The following CADPS variants were observed in gnomAD, a reference collection of about 807,000 sequenced individuals.
CADPS encodes the protein calcium dependent secretion activator.
A neutral mutation model predicts 167.3 loss-of-function variants in CADPS; 57 were observed. The observed-to-expected ratio is 0.34, with a 90% confidence interval of 0.28 to 0.42. The LOEUF (loss-of-function observed/expected upper bound fraction) is 0.42, where lower values mean the gene tolerates loss of function less well. Among genes scored for constraint, CADPS ranks in the 20% least tolerant of loss-of-function variants. CADPS has a pLI of 1.00. For synonymous variants in CADPS, 676 were observed against 635.3 expected, an observed-to-expected ratio of 1.06 and a Z score of -0.96; for missense variants, 1,414 against 1,738.1, an observed-to-expected ratio of 0.81 and a Z score of 3.32.
At chr3:62,857,126 T>G (rs2079864733) in intron 1 of CADPS, among the ~76,000 whole-genome samples, 1 of 151,922 alleles carries the variant, frequency 6.6e-6, no homozygotes, top group Non-Finnish European at 1.5e-5. Context: ...TAGAAATAGC[T>G]CTTAAAAACA....
intron 1 of CADPS, among the ~76,000 whole-genome samples, chr3:62,813,753 G>A (rs1453562622): frequency 6.6e-6 from 1 of 152,004 alleles, no homozygotes; most frequent in East Asian, 1.9e-4. Context: ...TTAAGCAATT[G>A]AGCAAGCAAA....
intron 1 of CADPS, among the ~76,000 whole-genome samples, chr3:62,778,927 G>T (rs575747455): frequency 6.7e-6 from 1 of 150,222 alleles, no homozygotes; most frequent in African/African-American, 2.4e-5. Context: ...TTTTAAGATG[G>T]AGTCTTGCTC....
At chr3:62,826,506 A>G (rs990313529) in intron 1 of CADPS, among the ~76,000 whole-genome samples, 6 of 152,160 alleles carry the variant, frequency 3.9e-5, no homozygotes, top group African/African-American at 1.4e-4. Context: ...ATTTCAAAAT[A>G]AAAGGTTTTT....
At chr3:62,460,820 A>G (rs901137285) in intron 26 of CADPS, among the ~76,000 whole-genome samples, 11 of 152,208 alleles carry the variant, frequency 7.2e-5, no homozygotes, top group African/African-American at 2.7e-4. Context: ...AAGACAAAGA[A>G]GACTGGACAT....
chr3:62,468,447 T>C (rs2060196213), intron 24 of CADPS, among the ~76,000 whole-genome samples: 1 of 152,134 alleles, frequency 6.6e-6, no homozygotes, highest in South Asian at 2.1e-4. Context: ...TGGGCTGAAG[T>C]GGCAAATAGA....
At chr3:62,545,643 T>C (rs2076343424) in intron 11 of CADPS, among the ~76,000 whole-genome samples, 1 of 152,196 alleles carries the variant, frequency 6.6e-6, no homozygotes, top group East Asian at 1.9e-4. Context: ...CAGTTCCACA[T>C]AAATACCCCA....
intron 17 of CADPS, among the ~76,000 whole-genome samples, chr3:62,506,070 C>T (rs1466365555): frequency 2.0e-5 from 3 of 152,094 alleles, no homozygotes; most frequent in Admixed American, 6.5e-5. Context: ...CAGAGAATAA[C>T]ATCAGGTTTC....
At chr3:62,813,511 A>G (rs2094479731) in intron 1 of CADPS, among the ~76,000 whole-genome samples, 1 of 152,102 alleles carries the variant, frequency 6.6e-6, no homozygotes, top group Non-Finnish European at 1.5e-5. Flanking sequence ...TATTAAAATC[A>G]TAGAAGAAAA....
chr3:62,403,211 A>T, intron 28 of CADPS, 26 bp from the exon 29 acceptor site: 1 of 1,487,386 alleles, frequency 6.7e-7, no homozygotes, highest in Non-Finnish European at 9.4e-7. Flanking sequence ...AAAGTTCTCC[A>T]GCCAACACAT....
intron 28 of CADPS, among the ~76,000 whole-genome samples, chr3:62,406,322 T>C (rs531599848): frequency 3.9e-5 from 6 of 152,354 alleles, no homozygotes; most frequent in South Asian, 2.1e-4. Flanking sequence ...TCTGGGTTGT[T>C]CTGCTCTTCC....
chr3:62,781,357 A>C (rs2091565164), intron 1 of CADPS, among the ~76,000 whole-genome samples: 1 of 152,168 alleles, frequency 6.6e-6, no homozygotes, highest in Admixed American at 6.5e-5. Context: ...TACTCCATGG[A>C]TACACTCCCA....
intron 1 of CADPS, among the ~76,000 whole-genome samples, chr3:62,820,795 G>GTTTTTTTTT (rs5849504): frequency 1.4e-5 from 2 of 138,006 alleles, no homozygotes; most frequent in African/African-American, 2.8e-5. Context: ...CTTTTTTTTG[G>GTTTTTTTTT]TTTTTTTTTT....
intron 1 of CADPS, among the ~76,000 whole-genome samples, chr3:62,824,968 C>A (rs1014100328): frequency 6.6e-6 from 1 of 152,130 alleles, no homozygotes; most frequent in Non-Finnish European, 1.5e-5. Context: ...CCAACACACA[C>A]ATACACAGGC....
chr3:62,659,054 G>A (rs1256903625), intron 4 of CADPS, among the ~76,000 whole-genome samples: 3 of 152,072 alleles, frequency 2.0e-5, no homozygotes, highest in African/African-American at 7.2e-5. Flanking sequence ...TGCTTGAGTT[G>A]GTGCCTCTTA....
At chr3:62,635,050 C>A (rs1465141424) in intron 6 of CADPS, among the ~76,000 whole-genome samples, 1 of 152,212 alleles carries the variant, frequency 6.6e-6, no homozygotes, top group Middle Eastern at 3.2e-3. Context: ...AAATTACACA[C>A]TAAGTTCTTC....
At chr3:62,431,588 C>T (rs2053962982) in intron 28 of CADPS, among the ~76,000 whole-genome samples, 1 of 150,886 alleles carries the variant, frequency 6.6e-6, no homozygotes, top group African/African-American at 2.4e-5. Flanking sequence ...ATAAACTCCT[C>T]CAGTCTGCAG....
intron 1 of CADPS, among the ~76,000 whole-genome samples, chr3:62,852,062 C>G (rs1366078912): frequency 6.8e-6 from 1 of 147,062 alleles, no homozygotes; most frequent in Non-Finnish European, 1.5e-5. Context: ...TCCAGTTGAT[C>G]GCATCGGCTC....
chr3:62,777,056 A>C (rs1387946566), intron 1 of CADPS, among the ~76,000 whole-genome samples: 1 of 152,202 alleles, frequency 6.6e-6, no homozygotes, highest in African/African-American at 2.4e-5. Context: ...CAAAGTCACA[A>C]CTATTAAAAA....
chr3:62,447,268 T>A (rs1377953326), intron 26 of CADPS, among the ~76,000 whole-genome samples: 2 of 152,178 alleles, frequency 1.3e-5, no homozygotes, highest in African/African-American at 4.8e-5. Flanking sequence ...CATGAGAAAG[T>A]GCTTTGTAAA....
Sources: gnomAD v4.1 joint callset for allele counts (sites outside exome capture counted in the v4.1 genomes callset) on GRCh38, gnomAD v4.1.1 for gene constraint, MANE v1.5 for transcripts, NCBI Gene and HGNC (gene_info 2026-07-23, HGNC 2026-07-21) for gene names.